Variants in CCDC170 observed in about 807,000 individuals in gnomAD.
The protein encoded by CCDC170 is coiled-coil domain-containing protein 170.
In CCDC170, 69 loss-of-function variants were observed where a neutral mutation model predicts 72.6. The observed-to-expected ratio is 0.95, with a 90% CI of 0.78 to 1.16. CCDC170 has a LOEUF of 1.16. Ranked by LOEUF, CCDC170 falls within the 50% of genes most tolerant of loss-of-function variation. The pLI is 0.00. For missense variants in CCDC170, 852 were observed against 832.5 expected (o/e 1.02, Z -0.29); for synonymous variants, 300 against 303.9 (o/e 0.99, Z 0.13).
rs114162531 is a variant in CCDC170, at chr6:151,541,083, C to A, written c.443+2782C>A. On this transcript the variant is annotated intron_variant, in intron 3 of 10. Coordinates refer to ENST00000239374, the MANE Select transcript of CCDC170 (RefSeq NM_025059.4). ...CTTCTTTGCTGTCCCTTGAACCTGA[C>A]AGACCTGATTGTACCTCAGGACCTT... Among the ~76,000 whole-genome samples, 1,103 of 152,288 alleles carry A rather than the reference C, an allele frequency of 7.2e-3. 13 individuals are homozygous for A. The highest frequency in any genetic ancestry group is 0.025 in the African/African-American group (1,043 of 41,560).
At chr6:151,609,688 C>G (rs1364575437) in intron 9 of CCDC170, among the ~76,000 whole-genome samples, 1 of 152,118 alleles carries the variant, frequency 6.6e-6, no homozygotes, top group Admixed American at 6.5e-5. Context: ...CTGAGGAGTT[C>G]CCTTAGGAAG....
At chr6:151,586,200 ATTGG>A in intron 7 of CCDC170, 111 bp downstream of exon 7, 1 of 1,081,742 alleles carries the variant, frequency 9.2e-7, no homozygotes, top group Non-Finnish European at 1.3e-6. Context: ...CCTGGACTTA[ATTGG>A]TTAAGTCAAT....
intron 5 of CCDC170, among the ~76,000 whole-genome samples, chr6:151,553,320 T>G (rs1782915467): frequency 6.6e-6 from 1 of 152,170 alleles, no homozygotes; most frequent in African/African-American, 2.4e-5. Flanking sequence ...TAATCCTCTT[T>G]CCATATATAT....
rs770061562 is a variant in CCDC170, at chr6:151,494,178, C to A, written c.50C>A (p.Ala17Glu). 35 of 1,515,926 alleles carry A rather than the reference C, an allele frequency of 2.3e-5. No homozygotes were observed. The highest frequency in any genetic ancestry group is 1.8e-4 in the Middle Eastern group (1 of 5,426). 93.9% of individuals were successfully genotyped at this position (1,515,926 alleles called of 1,614,324 possible). Residue 17 changes from alanine to glutamate, a missense_variant, in exon 1 of 11, where the codon GCG (alanine) becomes GAG (glutamate). Coordinates refer to ENST00000239374, the MANE Select transcript of CCDC170 (RefSeq NM_025059.4). Reference sequence around the variant, plus strand: ...ATCGCGCTGGGTGCCGCTTCGCCAGCGCCCGAGGTACGGTCCCAGCCGCCG... The same window carrying A: ...ATCGCGCTGGGTGCCGCTTCGCCAGAGCCCGAGGTACGGTCCCAGCCGCCG... ...SHIALGAASP[A>E]PEETYDHLSE... is the part of the protein sequence containing the mutation.
chr6:151,549,839 TTTTA>T (rs1308297822), intron 5 of CCDC170, among the ~76,000 whole-genome samples: 16 of 152,236 alleles, frequency 1.1e-4, no homozygotes, highest in African/African-American at 3.1e-4. Context: ...ATGTTTCTCT[TTTTA>T]TTTATTTTTT....
chr6:151,557,219 T>C (rs1782994427), intron 5 of CCDC170, among the ~76,000 whole-genome samples: 1 of 151,952 alleles, frequency 6.6e-6, no homozygotes, highest in African/African-American at 2.4e-5. Context: ...CCATCCTGGC[T>C]AACACGGTGG....
intron 1 of CCDC170, among the ~76,000 whole-genome samples, chr6:151,498,484 A>T (rs957592015): frequency 6.6e-6 from 1 of 152,214 alleles, no homozygotes; most frequent in Non-Finnish European, 1.5e-5. Flanking sequence ...TTGTTGTGCA[A>T]CTGTTGCCAC....
intron 3 of CCDC170, 26 bp downstream of exon 3, chr6:151,538,327 G>A (rs367581274): frequency 1.2e-5 from 19 of 1,588,908 alleles, no homozygotes; most frequent in Middle Eastern, 1.7e-4. Flanking sequence ...TATATTTTTC[G>A]CTTTAGCTAG....
intron 5 of CCDC170, among the ~76,000 whole-genome samples, chr6:151,566,248 ACCTAAT>A (rs1776135352): frequency 6.6e-6 from 1 of 152,098 alleles, no homozygotes. Context: ...AGCAGGAGAA[ACCTAAT>A]CCTCCTTCTA....
At position 151,618,011 on chromosome 6, in the gene CCDC170, C is replaced by G. The variant is rs1416862869; in HGVS notation, c.2012C>G (p.Pro671Arg). 2 of 1,614,042 alleles carry G rather than the reference C, an allele frequency of 1.2e-6. No individual in the cohort carries two copies. Among genetic ancestry groups the G allele is most frequent in the African/African-American group, 1.3e-5 (1 of 74,914 alleles). ...TTGAACGTGACCAGCCTTGCTCTTC[C>G]TGATTATGAAATCATCAAGTGTCTT... is the stretch of plus-strand genomic sequence containing the variant. ...LGLNVTSLAL[P>R]DYEIIKCLER... Residue 671 changes from proline to arginine, a missense_variant, in exon 11 of 11, where the codon CCT becomes CGT. Physicochemically the swap from Pro to Arg is moderately radical, Grantham distance 103. Coordinates refer to ENST00000239374, the MANE Select transcript of CCDC170 (RefSeq NM_025059.4).
intron 1 of CCDC170, among the ~76,000 whole-genome samples, chr6:151,525,790 T>C (rs775162046): frequency 6.6e-6 from 1 of 152,220 alleles, no homozygotes; most frequent in Non-Finnish European, 1.5e-5. Flanking sequence ...ATTCATGTAT[T>C]GATGGACACT....
At chr6:151,565,034 T>G (rs571411961) in intron 5 of CCDC170, among the ~76,000 whole-genome samples, 30 of 152,210 alleles carry the variant, frequency 2.0e-4, no homozygotes, top group South Asian at 4.1e-4. Context: ...CACCTATGCG[T>G]TGGGGAGCCT....
chr6:151,601,771 G>T (rs1776713909), intron 9 of CCDC170, among the ~76,000 whole-genome samples: 1 of 152,142 alleles, frequency 6.6e-6, no homozygotes, highest in Non-Finnish European at 1.5e-5. Context: ...GTCTTGTGCT[G>T]CTTATGCCTT....
chr6:151,561,658 T>C (rs1294460386), intron 5 of CCDC170, among the ~76,000 whole-genome samples: 1 of 152,092 alleles, frequency 6.6e-6, no homozygotes, highest in Non-Finnish European at 1.5e-5. Context: ...TCTTTCTAAT[T>C]GACCTTGGAT....
chr6:151,539,136 T>C (rs1782639874), intron 3 of CCDC170, among the ~76,000 whole-genome samples: 1 of 152,148 alleles, frequency 6.6e-6, no homozygotes, highest in Non-Finnish European at 1.5e-5. Context: ...GCCAGGTGCC[T>C]TTAATCCCAG....
At chr6:151,587,320 G>C (rs541140923) in intron 7 of CCDC170, among the ~76,000 whole-genome samples, 1 of 152,122 alleles carries the variant, frequency 6.6e-6, no homozygotes, top group Non-Finnish European at 1.5e-5. Flanking sequence ...GGATCCTTGA[G>C]AGGAAGGGGA....
intron 8 of CCDC170, among the ~76,000 whole-genome samples, chr6:151,594,713 G>T (rs1441252705): frequency 6.6e-6 from 1 of 151,282 alleles, no homozygotes; most frequent in African/African-American, 2.4e-5. Context: ...GTGCAATGGT[G>T]CGATCTCGGC....
intron 1 of CCDC170, among the ~76,000 whole-genome samples, chr6:151,528,535 T>C (rs6919923): frequency 0.46 from 69,801 of 152,126 alleles, 18,520 homozygotes; most frequent in Non-Finnish European, 0.6. Context: ...ATACAGTTAT[T>C]GTAAAGGATT....
intron 8 of CCDC170, among the ~76,000 whole-genome samples, chr6:151,594,926 C>T (rs1776598005): frequency 6.6e-6 from 1 of 152,174 alleles, no homozygotes; most frequent in Admixed American, 6.5e-5. Context: ...GCTGGAATTA[C>T]AGGCATGAGC....
Sources: allele counts gnomAD v4.1 joint callset (sites outside exome capture counted in the v4.1 genomes callset), GRCh38; gene constraint gnomAD v4.1.1; transcripts MANE v1.5; gene names NCBI Gene and HGNC (gene_info 2026-07-23, HGNC 2026-07-21).